The following CHAT variants were observed in gnomAD, a reference collection of about 807,000 sequenced individuals.
CHAT encodes acetyl CoA:choline O-acetyltransferase.
A neutral mutation model predicts 76.9 loss-of-function variants in CHAT; 61 were observed. The ratio of observed to expected loss-of-function variants is 0.79; its 90% CI spans 0.65 to 0.98. CHAT has a LOEUF of 0.98. Ranked by LOEUF, CHAT falls within the 50% of genes least tolerant of loss-of-function variation. The pLI, the probability that CHAT is intolerant of heterozygous loss-of-function variation, is 0.00. For synonymous variants in CHAT, 407 were observed against 397.4 expected (o/e 1.02, Z -0.29); for missense variants, 946 against 986.9 (o/e 0.96, Z 0.56).
In CHAT at chr10:49,662,781, AG is replaced by A. The variant is rs1840236677; in HGVS notation, c.1977+1del. 1.2e-6 allele frequency: 2 copies of A among 1,614,112 alleles called. No individual in the cohort carries two copies. The highest frequency in any genetic ancestry group is 2.7e-5 in the African/African-American group (2 of 74,944). On this transcript the variant is annotated frameshift_variant and splice_region_variant, in exon 14 of 15. Transcript: ENST00000337653. LOFTEE classifies it high-confidence loss of function. ...AACCGGTTTGTCCTCTCCACTAGCC[AG>A]GTACGGCCCCGTGCAGCTATCGCCC... ...MSNRFVLSTS[Q>X]VPTTTEMFCC...
At position 49,667,772 on chromosome 10, in the gene CHAT, A is replaced by G. The variant is rs886436711; in HGVS notation, c.*2726A>G. Among the ~76,000 whole-genome samples, 2 of 152,256 alleles carry G rather than the reference A, an allele frequency of 1.3e-5. No individual in the cohort carries two copies. Among genetic ancestry groups the G allele is most frequent in the Non-Finnish European group, 2.9e-5 (2 of 68,042 alleles). On this transcript the variant is annotated 3_prime_UTR_variant, in exon 15 of 15. Coordinates refer to ENST00000337653, the MANE Select transcript of CHAT (RefSeq NM_020549.5). ...TATTTGAGTTCTATTTTTATAAAAT[A>G]GTTCTAGATTTATGGCAATATAAAC...
intron 1 of CHAT, among the ~76,000 whole-genome samples, chr10:49,616,288 C>T (rs1479252433): frequency 6.6e-6 from 1 of 152,168 alleles, no homozygotes; most frequent in Non-Finnish European, 1.5e-5. Context: ...AGGAACCACT[C>T]TCTCCCATAT....
At chr10:49,611,499 C>T (rs1317778447), upstream of CHAT, 7 of 1,600,500 alleles carry the variant, frequency 4.4e-6, no homozygotes, top group Non-Finnish European at 5.9e-6. Context: ...CCGTGTCGCT[C>T]TTTGACGCGC....
intron 7 of CHAT, among the ~76,000 whole-genome samples, chr10:49,637,806 G>A (rs1839345823): frequency 6.6e-6 from 1 of 152,120 alleles, no homozygotes; most frequent in African/African-American, 2.4e-5. Flanking sequence ...AACTTTTTAT[G>A]TTATTTTTCT....
intron 7 of CHAT, among the ~76,000 whole-genome samples, chr10:49,630,878 A>G (rs1199493821): frequency 6.6e-6 from 1 of 152,168 alleles, no homozygotes; most frequent in East Asian, 1.9e-4. Flanking sequence ...CAACCTTGAG[A>G]TAAGAGGCGG....
At chr10:49,642,537 T>C (rs1839519049) in intron 7 of CHAT, among the ~76,000 whole-genome samples, 1 of 152,248 alleles carries the variant, frequency 6.6e-6, no homozygotes, top group African/African-American at 2.4e-5. Flanking sequence ...AGGGCAGTGA[T>C]GCCCAGGGAG....
intron 13 of CHAT, chr10:49,661,376 A>C (rs1840188682): frequency 6.6e-6 from 1 of 152,218 alleles, no homozygotes; most frequent in South Asian, 2.1e-4. Context: ...AGTCTCCTTC[A>C]TAGATGGGCT....
chr10:49,645,556 TG>T (rs1244405102), intron 7 of CHAT, among the ~76,000 whole-genome samples: 1 of 152,186 alleles, frequency 6.6e-6, no homozygotes, highest in African/African-American at 2.4e-5. Flanking sequence ...GGAGCAGGCC[TG>T]GCCCCCAACA....
At chr10:49,612,374 T>C, upstream of CHAT, 2 of 1,553,026 alleles carry the variant, frequency 1.3e-6, no homozygotes. Flanking sequence ...CCCAACCGCC[T>C]TGGGTCAAGG....
intron 7 of CHAT, among the ~76,000 whole-genome samples, chr10:49,628,346 C>T (rs1277315389): frequency 2.0e-5 from 3 of 152,320 alleles, no homozygotes; most frequent in Non-Finnish European, 4.4e-5. Flanking sequence ...CTTTCAAATC[C>T]AAAGCTGGTC....
chr10:49,622,277 C>T, intron 5 of CHAT, 127 bp downstream of exon 5: 1 of 984,006 alleles, frequency 1.0e-6, no homozygotes, highest in East Asian at 2.4e-5. Flanking sequence ...GCAGATGTCC[C>T]TGCCCCAACC....
intron 7 of CHAT, among the ~76,000 whole-genome samples, chr10:49,632,342 C>T (rs1025172603): frequency 1.3e-5 from 2 of 152,066 alleles, no homozygotes; most frequent in African/African-American, 4.8e-5. Flanking sequence ...AGCCAGGGAG[C>T]CCCCAGGGTG....
At chr10:49,644,489 G>A (rs974605102) in intron 7 of CHAT, among the ~76,000 whole-genome samples, 3 of 152,272 alleles carry the variant, frequency 2.0e-5, no homozygotes, top group East Asian at 1.9e-4. Context: ...GGGCATGGCC[G>A]GATCCTTGAT....
intron 7 of CHAT, among the ~76,000 whole-genome samples, chr10:49,629,382 A>C (rs1048350002): frequency 1.3e-5 from 2 of 152,184 alleles, no homozygotes; most frequent in African/African-American, 4.8e-5. Flanking sequence ...GGAGCCAAAG[A>C]GGGGTGTGAG....
At chr10:49,628,895 C>T (rs1456315854) in intron 7 of CHAT, among the ~76,000 whole-genome samples, 6 of 152,248 alleles carry the variant, frequency 3.9e-5, no homozygotes, top group African/African-American at 9.6e-5. Context: ...TGGCCTGAGC[C>T]GGATGTACTG....
intron 8 of CHAT, chr10:49,647,793 TTCCTTCCTTCCTTCC>T (rs1364613164): frequency 1.9e-5 from 1 of 51,684 alleles, no homozygotes; most frequent in Non-Finnish European, 6.2e-5. Context: ...CCTTCCTTCC[TTCCTTCCTTCCTTCC>T]TTTTAGTGAC....
chr10:49,617,826 A>T (rs1838554709), intron 2 of CHAT, among the ~76,000 whole-genome samples: 1 of 152,136 alleles, frequency 6.6e-6, no homozygotes, highest in African/African-American at 2.4e-5. Context: ...GCAGTCTGGG[A>T]TGCTGTCCAG....
chr10:49,616,391 G>A, intron 1 of CHAT, 111 bp from the exon 2 acceptor site: 1 of 844,602 alleles, frequency 1.2e-6, no homozygotes. Flanking sequence ...ACAGCTGTCA[G>A]GCTCTGGCCT....
In CHAT at chr10:49,664,880, C is replaced by G. The variant is rs201439531; in HGVS notation, c.2081C>G (p.Ser694Cys). The G allele has an allele frequency of 6.2e-7, 1 of 1,614,136 alleles. No homozygotes were observed. Among genetic ancestry groups the G allele is most frequent in the Non-Finnish European group, 8.5e-7 (1 of 1,180,052 alleles). The change falls in exon 15 of 15, where the codon TCT (serine) becomes TGT (cysteine). Residue 694 changes from serine (S) to cysteine (C), a missense_variant. This residue lies in a region of CHAT where 349 missense variants were observed against 393.9 expected (regional missense o/e 0.89). Coordinates refer to ENST00000337653, the MANE Select transcript of CHAT (RefSeq NM_020549.5). Reference protein sequence around the residue: ...PQPETILFCISSFHSCKETSS... With the variant: ...PQPETILFCICSFHSCKETSS... ...CCAGAGACCATCCTTTTCTGCATCTCTAGCTTTCACAGCTGCAAAGAGACT... is the reference window on the plus strand; with the variant it reads ...CCAGAGACCATCCTTTTCTGCATCTGTAGCTTTCACAGCTGCAAAGAGACT...
Sources: allele counts gnomAD v4.1 joint callset (sites outside exome capture counted in the v4.1 genomes callset), GRCh38; gene constraint gnomAD v4.1.1; regional missense constraint gnomAD v4.1.1; transcripts MANE v1.5; gene names NCBI Gene and HGNC (gene_info 2026-07-23, HGNC 2026-07-21).